Variants in SYK observed in about 807,000 individuals in gnomAD.
SYK encodes spleen associated tyrosine kinase, also known as tyrosine-protein kinase SYK.
Under a neutral mutation model 77.8 loss-of-function variants are expected in SYK, and 16 were observed. That is an observed-to-expected ratio of 0.21 (90% CI 0.14 to 0.31). The LOEUF is 0.31. Among genes scored for constraint, SYK ranks in the 10% least tolerant of loss-of-function variants. The pLI, the probability that SYK is intolerant of heterozygous loss-of-function variation, is 1.00. For synonymous variants in SYK, 312 were observed against 308.7 expected (o/e 1.01, Z -0.11); for missense variants, 529 against 814.4 (o/e 0.65, Z 4.26).
chr9:90,820,670 C>T (rs1037632307), intron 1 of SYK, among the ~76,000 whole-genome samples: 5 of 152,156 alleles, frequency 3.3e-5, no homozygotes, highest in African/African-American at 1.2e-4. Flanking sequence ...GCCTCCAGGT[C>T]TGTGATAGGA....
intron 1 of SYK, among the ~76,000 whole-genome samples, chr9:90,837,101 A>C (rs1826114981): frequency 6.6e-6 from 1 of 152,160 alleles, no homozygotes; most frequent in Non-Finnish European, 1.5e-5. Flanking sequence ...GGTCAACAGT[A>C]GACTATTAGT....
At chr9:90,867,373 TA>T (rs1214811330) in intron 7 of SYK, among the ~76,000 whole-genome samples, 174 bp downstream of exon 7, 1 of 152,172 alleles carries the variant, frequency 6.6e-6, no homozygotes, top group East Asian at 1.9e-4. Flanking sequence ...GCGCCCCAGG[TA>T]CATCATGTGC....
intron 7 of SYK, among the ~76,000 whole-genome samples, chr9:90,867,799 C>T (rs1385823526): frequency 1.3e-5 from 2 of 152,154 alleles, no homozygotes; most frequent in East Asian, 3.9e-4. Flanking sequence ...ATGTTTTGTT[C>T]TATTATTGGA....
At chr9:90,894,495 C>G (rs1346608817) in intron 13 of SYK, among the ~76,000 whole-genome samples, 1 of 152,186 alleles carries the variant, frequency 6.6e-6, no homozygotes. Context: ...TTTGTAGAAG[C>G]CACTCTGCTC....
At chr9:90,882,861 A>T (rs1828211054) in intron 11 of SYK, among the ~76,000 whole-genome samples, 1 of 152,180 alleles carries the variant, frequency 6.6e-6, no homozygotes, top group African/African-American at 2.4e-5. Flanking sequence ...AAGCTTCCAG[A>T]TATGGGGAAA....
intron 2 of SYK, 30 bp from the exon 3 acceptor site, chr9:90,845,404 G>A: frequency 6.2e-7 from 1 of 1,603,694 alleles, no homozygotes; most frequent in Non-Finnish European, 8.5e-7. Context: ...CCTCGGTATG[G>A]TTTACTCTGC....
intron 1 of SYK, among the ~76,000 whole-genome samples, chr9:90,804,016 CAAA>C (rs5899104): frequency 7.1e-6 from 1 of 140,484 alleles, no homozygotes; most frequent in Non-Finnish European, 1.6e-5. Flanking sequence ...TAAGACTTAC[CAAA>C]AAAAAAAAAA....
At chr9:90,867,224 G>C in intron 7 of SYK, 25 bp downstream of exon 7, 1 of 1,613,238 alleles carries the variant, frequency 6.2e-7, no homozygotes, top group Non-Finnish European at 8.5e-7. Flanking sequence ...CCTGCTTGCT[G>C]TCCAACTAAG....
At chr9:90,817,845 TTGTGTGTGTGTGTGTGTG>T (rs746939088) in intron 1 of SYK, among the ~76,000 whole-genome samples, 1,907 of 137,642 alleles carry the variant, frequency 0.014, 28 homozygotes, top group African/African-American at 0.037. Context: ...CTCAATAATG[TTGTGTGTGTGTGTGTGTG>T]TGTGTGTGTG....
At chr9:90,833,573 G>A (rs1222339064) in intron 1 of SYK, among the ~76,000 whole-genome samples, 1 of 152,192 alleles carries the variant, frequency 6.6e-6, no homozygotes, top group African/African-American at 2.4e-5. Context: ...GCTTGCTCAG[G>A]TGTGAGCATC....
chr9:90,888,489 G>T lies in SYK; in HGVS notation c.1723-26G>T, dbSNP rs761102333. 3.4e-6 allele frequency: 5 copies of T among 1,482,928 alleles called. No individual in the cohort carries two copies. The South Asian group carries it at 5.1e-5, about 15-fold the overall frequency. 91.9% of individuals were successfully genotyped at this position (1,482,928 alleles called of 1,614,324 possible). A position where few individuals can be genotyped will look rare whatever the true frequency, so the allele number is the denominator to read the frequency against. Reference sequence around the variant, plus strand: ...GACTAACACCTTTAAAAAAAAAAAAGCTTATGCATATCTTGCATGTTGTAG... The same window carrying T: ...GACTAACACCTTTAAAAAAAAAAAATCTTATGCATATCTTGCATGTTGTAG... On this transcript the variant is annotated intron_variant, in intron 12 of 13. Transcript: ENST00000375754.
intron 3 of SYK, 118 bp from the exon 4 acceptor site, chr9:90,862,088 G>C: frequency 7.7e-7 from 1 of 1,307,088 alleles, no homozygotes; most frequent in Admixed American, 2.9e-5. Flanking sequence ...CAGCTGCCTT[G>C]CCAGGTGACA....
At chr9:90,859,189 A>G (rs749453277) in intron 3 of SYK, among the ~76,000 whole-genome samples, 3 of 152,234 alleles carry the variant, frequency 2.0e-5, no homozygotes, top group Non-Finnish European at 4.4e-5. Flanking sequence ...CCAGCATTGC[A>G]GGAGACCACT....
chr9:90,878,294 C>T (rs1828020204), intron 10 of SYK, among the ~76,000 whole-genome samples: 1 of 152,152 alleles, frequency 6.6e-6, no homozygotes. Context: ...GATGAAGAAA[C>T]TCACTTGGAG....
At chr9:90,817,109 C>T (rs1401729051) in intron 1 of SYK, among the ~76,000 whole-genome samples, 1 of 152,030 alleles carries the variant, frequency 6.6e-6, no homozygotes, top group Non-Finnish European at 1.5e-5. Context: ...TTTGGCTCAT[C>T]AGCTATCATT....
In SYK at chr9:90,820,191, G is replaced by T. The variant is rs550530331; in HGVS notation, c.-42+18298G>T. On this transcript the variant is annotated intron_variant, in intron 1 of 13. Coordinates refer to ENST00000375754, the MANE Select transcript of SYK (RefSeq NM_003177.7). Reference sequence around the variant, plus strand: ...TTTCACAGGTTGGCATTGAGTGTCTGTGGCTTTTCCAGGCACATGGTGCAA... The same window carrying T: ...TTTCACAGGTTGGCATTGAGTGTCTTTGGCTTTTCCAGGCACATGGTGCAA... Among the ~76,000 whole-genome samples the T allele has an allele frequency of 2.6e-5, 4 of 152,304 alleles. No homozygotes were observed. In the East Asian group the frequency reaches 7.7e-4, roughly 29 times the overall value.
rs200409467 is a variant in SYK, at chr9:90,874,689, C to T, written c.1021C>T (p.Leu341=). 1.9e-6 allele frequency: 3 copies of T among 1,613,798 alleles called. No individual in the cohort carries two copies. The highest frequency in any genetic ancestry group is 2.7e-5 in the African/African-American group (2 of 75,000). The change falls in exon 9 of 14, where the codon CTA becomes TTA. Residue 341 remains leucine (L), a synonymous_variant. Transcript: ENST00000375754. The part of the protein sequence containing the change: ...AADKGPQREA[L]PMDTEVYESP... ...CATTGCAGGCCCCCAGAGAGAAGCC[C>T]TACCCATGGACACAGAGGTGTACGA...
intron 13 of SYK, among the ~76,000 whole-genome samples, chr9:90,893,054 G>A (rs995745446): frequency 1.3e-5 from 2 of 152,226 alleles, no homozygotes; most frequent in African/African-American, 4.8e-5. Flanking sequence ...CTGCTATGCA[G>A]GCTGCCACCC....
intron 1 of SYK, among the ~76,000 whole-genome samples, chr9:90,824,319 A>G (rs1395563017): frequency 6.6e-6 from 1 of 152,192 alleles, no homozygotes; most frequent in Non-Finnish European, 1.5e-5. Context: ...AGAAAGAAAG[A>G]ATACCAGTTT....
Sources: gnomAD v4.1 joint callset for allele counts (sites outside exome capture counted in the v4.1 genomes callset) on GRCh38, gnomAD v4.1.1 for gene constraint, MANE v1.5 for transcripts, NCBI Gene and HGNC (gene_info 2026-07-23, HGNC 2026-07-21) for gene names.